The following NUP98 variants were observed in gnomAD, a reference collection of about 807,000 sequenced individuals.
The protein encoded by NUP98 is nuclear pore complex protein Nup98-Nup96.
In NUP98, 26 loss-of-function variants were observed where a neutral mutation model predicts 191.9. The ratio of observed to expected loss-of-function variants is 0.14; its 90% CI spans 0.10 to 0.19. The LOEUF (loss-of-function observed/expected upper bound fraction) is 0.19, where lower values mean the gene tolerates loss of function less well. NUP98 is among the 10% of genes least tolerant of loss of function. The pLI is 1.00. For missense variants in NUP98, 1,941 were observed against 2,178.8 expected, an observed-to-expected ratio of 0.89 and a Z score of 2.17; for synonymous variants, 808 against 778.4, an observed-to-expected ratio of 1.04 and a Z score of -0.63.
intron 26 of NUP98, among the ~76,000 whole-genome samples, chr11:3,694,733 C>G (rs1319523437): frequency 6.7e-6 from 1 of 149,684 alleles, no homozygotes; most frequent in African/African-American, 2.5e-5. Flanking sequence ...GAGCGAGACT[C>G]TGTCTCAAGA....
chr11:3,715,383 T>A (rs769463681), intron 18 of NUP98, among the ~76,000 whole-genome samples: 23 of 151,916 alleles, frequency 1.5e-4, no homozygotes, highest in Non-Finnish European at 2.9e-4. Context: ...TCCACCTGCC[T>A]CGGCCTCCCA....
intron 8 of NUP98, among the ~76,000 whole-genome samples, chr11:3,765,687 G>C (rs545572097): frequency 1.3e-5 from 2 of 151,750 alleles, no homozygotes; most frequent in South Asian, 2.1e-4. Flanking sequence ...TGTAATCCCA[G>C]TTACTCAGGA....
At chr11:3,736,452 T>C (rs1260730340) in intron 12 of NUP98, among the ~76,000 whole-genome samples, 1 of 152,110 alleles carries the variant, frequency 6.6e-6, no homozygotes, top group Non-Finnish European at 1.5e-5. Context: ...GGTGAGGAGT[T>C]TGAGACCAAC....
At position 3,702,569 on chromosome 11, in the gene NUP98, G is replaced by A; in HGVS notation, c.3406C>T (p.Leu1136Phe). The A allele has an allele frequency of 6.2e-7, 1 of 1,614,064 alleles. No individual in the cohort carries two copies. Among genetic ancestry groups the A allele is most frequent in the Non-Finnish European group, 8.5e-7 (1 of 1,180,010 alleles). The part of the protein sequence containing the change: ...FRVGWGPNWT[L>F]ANSGEQLNGS... ...TTCAGCTGTTCTCCACTATTAGCAA[G>A]AGTCCAGTTGGGGCCCCAACCAACA... The change falls in exon 23 of 33, where the codon CTT becomes TTT. Residue 1136 changes from leucine (L) to phenylalanine (F), a missense_variant. Leu to Phe is a conservative substitution (Grantham distance 22, BLOSUM62 0). Around this residue, in one of 6 missense-constraint regions of NUP98, gnomAD observed 1,030 missense variants for 1,115.8 expected, o/e 0.92. Coordinates refer to ENST00000324932, the MANE Select transcript of NUP98 (RefSeq NM_016320.5).
chr11:3,778,793 C>T (rs1283640936), intron 4 of NUP98, 80 bp downstream of exon 4: 13 of 1,437,264 alleles, frequency 9.0e-6, no homozygotes, highest in Admixed American at 8.2e-5. Context: ...TAGATGAACA[C>T]AGAAAAACGG....
chr11:3,777,867 A>G (rs987052820), intron 4 of NUP98, among the ~76,000 whole-genome samples: 3 of 151,962 alleles, frequency 2.0e-5, no homozygotes, highest in Non-Finnish European at 4.4e-5. Context: ...TTATGGCTAA[A>G]TATTTCAATG....
intron 4 of NUP98, among the ~76,000 whole-genome samples, chr11:3,776,818 C>G (rs140837475): frequency 6.6e-6 from 1 of 151,934 alleles, no homozygotes; most frequent in Non-Finnish European, 1.5e-5. Flanking sequence ...CAGAAAGATA[C>G]GTACTTCCAG....
rs762762513 is a variant in NUP98, at chr11:3,744,526, G to A, written c.1391C>T (p.Ala464Val). 21 of 1,612,396 alleles carry A rather than the reference G, an allele frequency of 1.3e-5. No individual in the cohort carries two copies. The highest frequency in any genetic ancestry group is 1.7e-4 in the Middle Eastern group (1 of 6,038). The change falls in exon 12 of 33, where the codon GCC becomes GTC. Residue 464 changes from alanine (A) to valine (V), a missense_variant. This residue lies in a region of NUP98 where 453 missense variants were observed against 438.2 expected (regional missense o/e 1.03). Coordinates refer to ENST00000324932, the MANE Select transcript of NUP98 (RefSeq NM_016320.5). ...ACACTTACCTACTGGGGCCTGGGGGGCTCCAAAGCCCAAAGTGGCTGTCGT... is the reference window on the plus strand; with the variant it reads ...ACACTTACCTACTGGGGCCTGGGGGACTCCAAAGCCCAAAGTGGCTGTCGT... The part of the protein sequence containing the change: ...NTTTATLGFG[A>V]PQAPVALTDP...
At chr11:3,742,319 G>T (rs559605861) in intron 12 of NUP98, among the ~76,000 whole-genome samples, 3 of 152,276 alleles carry the variant, frequency 2.0e-5, no homozygotes, top group East Asian at 1.9e-4. Context: ...CAGTTCATTT[G>T]CAACTATTAA....
Position 3,712,277 on chromosome 11 carries a change from T to C in NUP98, c.2742+287A>G, listed in dbSNP as rs1406419380. On this transcript the variant is annotated intron_variant, in intron 20 of 32. Coordinates refer to ENST00000324932, the MANE Select transcript of NUP98 (RefSeq NM_016320.5). ...CATGAGCAAATCTTAAGTTAATCAC[T>C]GAGCAGAGAATTCAGCAAGTCCAAA... is the stretch of plus-strand genomic sequence containing the variant. 1.9e-5 allele frequency: 22 copies of C among 1,183,628 alleles called. No homozygotes were observed. In the East Asian group the frequency reaches 7.3e-4, roughly 39 times the overall value. 73.3% of individuals were successfully genotyped at this position (1,183,628 alleles called of 1,614,324 possible). A position where few individuals can be genotyped will look rare whatever the true frequency, so the allele number is the denominator to read the frequency against.
At chr11:3,770,337 T>TA (rs1589929407) in intron 7 of NUP98, among the ~76,000 whole-genome samples, 1 of 151,478 alleles carries the variant, frequency 6.6e-6, no homozygotes, top group East Asian at 2.0e-4. Flanking sequence ...AAAAATAAAA[T>TA]AAAATTAGTC....
intron 16 of NUP98, among the ~76,000 whole-genome samples, 193 bp downstream of exon 16, chr11:3,722,964 G>T (rs1375495993): frequency 6.6e-6 from 1 of 152,132 alleles, no homozygotes; most frequent in African/African-American, 2.4e-5. Flanking sequence ...CATACTCTAA[G>T]GTCCAAAGAG....
At chr11:3,693,157 T>C in intron 27 of NUP98, 75 bp downstream of exon 27, 1 of 1,475,854 alleles carries the variant, frequency 6.8e-7, no homozygotes, top group Non-Finnish European at 9.4e-7. Flanking sequence ...CCATCAGATT[T>C]CCTGGCTCCG....
chr11:3,699,632 C>T (rs2078616276), intron 24 of NUP98, among the ~76,000 whole-genome samples: 1 of 152,170 alleles, frequency 6.6e-6, no homozygotes, highest in Admixed American at 6.5e-5. Flanking sequence ...TGGCTAGTGT[C>T]ATCTCAGATG....
chr11:3,758,211 C>T (rs1324370960), intron 10 of NUP98, among the ~76,000 whole-genome samples: 5 of 151,748 alleles, frequency 3.3e-5, no homozygotes, highest in African/African-American at 4.8e-5. Context: ...GTCCCAGCTA[C>T]TCGGGAGGCT....
At chr11:3,786,369 T>C (rs1186401054) in intron 1 of NUP98, among the ~76,000 whole-genome samples, 1 of 152,262 alleles carries the variant, frequency 6.6e-6, no homozygotes, top group Non-Finnish European at 1.5e-5. Context: ...AAGGATAATT[T>C]ATAAGGTATA....
intron 13 of NUP98, among the ~76,000 whole-genome samples, chr11:3,731,788 A>G (rs756588614): frequency 6.6e-6 from 1 of 152,138 alleles, no homozygotes; most frequent in Non-Finnish European, 1.5e-5. Context: ...GTCCAGAAGT[A>G]TTTTGGATTT....
chr11:3,745,969 A>C (rs1330443820), intron 11 of NUP98, among the ~76,000 whole-genome samples: 2 of 152,148 alleles, frequency 1.3e-5, no homozygotes, highest in East Asian at 3.8e-4. Context: ...GTCCAACCTC[A>C]TTAAAAATAA....
At chr11:3,761,224 T>C (rs962711326) in intron 9 of NUP98, among the ~76,000 whole-genome samples, 2 of 152,186 alleles carry the variant, frequency 1.3e-5, no homozygotes, top group Admixed American at 6.5e-5. Flanking sequence ...TAAAATTAAA[T>C]ATGGTGATAG....
Sources: gnomAD v4.1 joint callset for allele counts (sites outside exome capture counted in the v4.1 genomes callset) on GRCh38, gnomAD v4.1.1 for gene constraint, gnomAD v4.1.1 regional missense constraint, MANE v1.5 for transcripts, NCBI Gene and HGNC (gene_info 2026-07-23, HGNC 2026-07-21) for gene names.